Variants in ZFC3H1 observed in about 807,000 individuals in gnomAD.
ZFC3H1 encodes zinc finger C3H1-type containing.
ZFC3H1 carries 71 observed loss-of-function variants against 243.7 expected under a neutral mutation model. The ratio of observed to expected loss-of-function variants is 0.29; its 90% CI spans 0.24 to 0.36. The LOEUF is 0.36. ZFC3H1 is among the 10% of genes least tolerant of loss of function. ZFC3H1 has a pLI of 1.00. For synonymous variants in ZFC3H1, 838 were observed against 813.0 expected (o/e 1.03, Z -0.52); for missense variants, 1,966 against 2,317.1 (o/e 0.85, Z 3.11).
chr12:71,660,599 G>A (rs1014754521), intron 1 of ZFC3H1, among the ~76,000 whole-genome samples: 3 of 151,886 alleles, frequency 2.0e-5, no homozygotes, highest in Admixed American at 2.0e-4. Flanking sequence ...TATGGTAGAG[G>A]CCCAAAATAG....
In ZFC3H1 at chr12:71,636,898, T is replaced by C. The variant is rs745751323; in HGVS notation, c.1887A>G (p.Arg629=). The C allele has an allele frequency of 1.9e-6, 3 of 1,614,068 alleles. No homozygotes were observed. In the South Asian group the frequency reaches 3.3e-5, roughly 18 times the overall value. The change falls in exon 8 of 35, where the codon CGA becomes CGG. Residue 629 remains arginine, a synonymous_variant. Coordinates refer to ENST00000378743, the MANE Select transcript of ZFC3H1 (RefSeq NM_144982.5). ...TTGCTAGAGATTTAAGTAGTTCTTCTCGAAGCAGCATTTCTTCCTCCTCTT... is the reference window on the plus strand; with the variant it reads ...TTGCTAGAGATTTAAGTAGTTCTTCCCGAAGCAGCATTTCTTCCTCCTCTT... ...DEEEEEEMLL[R]EELLKSLANK...
chr12:71,640,045 CAG>C (rs1165384614), intron 6 of ZFC3H1, among the ~76,000 whole-genome samples: 1 of 152,084 alleles, frequency 6.6e-6, no homozygotes, highest in Non-Finnish European at 1.5e-5. Context: ...ATTTTTGAGA[CAG>C]AGTGTCGCTC....
chr12:71,646,010 A>G lies in ZFC3H1; in HGVS notation c.1081-935T>C, dbSNP rs75711587. ...AAAGGAAGAGTCAAAAAAGATTCCA[A>G]AAGATTAAGGCCCACTTATCTAATA... On this transcript the variant is annotated intron_variant, in intron 3 of 34. Coordinates refer to ENST00000378743, the MANE Select transcript of ZFC3H1 (RefSeq NM_144982.5). Among the ~76,000 whole-genome samples the G allele has an allele frequency of 2.7e-3, 415 of 152,320 alleles. 2 individuals carry two copies. The highest frequency in any genetic ancestry group is 9.3e-3 in the African/African-American group (385 of 41,572).
At chr12:71,662,963 A>G in intron 1 of ZFC3H1, 50 bp downstream of exon 1, 1 of 1,514,092 alleles carries the variant, frequency 6.6e-7, no homozygotes, top group Middle Eastern at 1.8e-4. Flanking sequence ...TAATGACGCT[A>G]AAGGGAACTT....
chr12:71,652,329 A>G (rs1046561792), intron 2 of ZFC3H1, among the ~76,000 whole-genome samples: 1 of 152,224 alleles, frequency 6.6e-6, no homozygotes, highest in Non-Finnish European at 1.5e-5. Flanking sequence ...AATATTTAAT[A>G]GCCCACCCAA....
chr12:71,646,785 T>A (rs1880740701), intron 3 of ZFC3H1, among the ~76,000 whole-genome samples: 2 of 152,172 alleles, frequency 1.3e-5, no homozygotes, highest in Non-Finnish European at 2.9e-5. Flanking sequence ...CTACTCTCTT[T>A]GGAATGAAAG....
chr12:71,634,134 T>C (rs2137537148), intron 12 of ZFC3H1, 21 bp downstream of exon 12: 2 of 1,602,980 alleles, frequency 1.2e-6, no homozygotes, highest in Non-Finnish European at 1.7e-6. Context: ...CAATTAGATA[T>C]GTGAAGATAA....
At chr12:71,610,946 G>C in intron 33 of ZFC3H1, 112 bp downstream of exon 33, 4 of 1,505,952 alleles carry the variant, frequency 2.7e-6, no homozygotes, top group Non-Finnish European at 3.6e-6. Context: ...TTGGTTCTTA[G>C]TGTGCATGAA....
chr12:71,646,847 A>G (rs1880742387), intron 3 of ZFC3H1, among the ~76,000 whole-genome samples: 1 of 152,224 alleles, frequency 6.6e-6, no homozygotes, highest in Non-Finnish European at 1.5e-5. Context: ...AGCTACTTGA[A>G]CAGCAAGAGC....
chr12:71,649,477 C>T (rs1297500746), intron 2 of ZFC3H1, among the ~76,000 whole-genome samples: 2 of 152,180 alleles, frequency 1.3e-5, no homozygotes, highest in African/African-American at 4.8e-5. Context: ...ATTTCACATG[C>T]AAAGCTGTGC....
chr12:71,617,905 T>G (rs771931441), intron 27 of ZFC3H1, among the ~76,000 whole-genome samples: 12 of 152,128 alleles, frequency 7.9e-5, no homozygotes, highest in Non-Finnish European at 1.3e-4. Flanking sequence ...AGGACATATA[T>G]AAAGACTCAA....
chr12:71,636,978 G>T lies in ZFC3H1; in HGVS notation c.1807C>A (p.Pro603Thr). ...TGTTCTGGATCTTCAGGTGGGAGAG[G>T]TGGTAATGGTGGTAGAGGAGGTAGA... ...EPLPPLPPLPPLPPEDPEQPP... is the reference protein window; with the variant it reads ...EPLPPLPPLPTLPPEDPEQPP... Residue 603 changes from proline to threonine, a missense_variant, in exon 8 of 35, where the codon CCT (proline) becomes ACT (threonine). Physicochemically the swap from Pro to Thr is conservative, Grantham distance 38 (BLOSUM62 -1). Transcript: ENST00000378743. 6.2e-7 allele frequency: 1 copy of T among 1,613,996 alleles called. No homozygotes were observed. Among genetic ancestry groups the T allele is most frequent in the Non-Finnish European group, 8.5e-7 (1 of 1,179,960 alleles).
chr12:71,656,695 A>G lies in ZFC3H1; in HGVS notation c.1015+190T>C, dbSNP rs539330286. ...TAGAGGCCAGAATGTCAGGCAAAAA[A>G]TAAATAAATAAATAAAGACTAAAAG... On this transcript the variant is annotated intron_variant, in intron 2 of 34. Transcript: ENST00000378743. The G allele has an allele frequency of 8.2e-6, 5 of 612,920 alleles. No individual in the cohort carries two copies. The African/African-American group carries it at 9.3e-5, about 11-fold the overall frequency. 38.0% of individuals were successfully genotyped at this position (612,920 alleles called of 1,614,324 possible). A position where few individuals can be genotyped will look rare whatever the true frequency, so the allele number is the denominator to read the frequency against.
chr12:71,639,497 G>A (rs138029768), intron 6 of ZFC3H1: 31 of 191,596 alleles, frequency 1.6e-4, no homozygotes, highest in Non-Finnish European at 2.9e-4. Context: ...TGGTGCTATT[G>A]TTTTATGGAC....
At position 71,636,366 on chromosome 12, in the gene ZFC3H1, G is replaced by A. The variant is rs1371523985; in HGVS notation, c.2100+124C>T. On this transcript the variant is annotated intron_variant, in intron 9 of 34. Transcript: ENST00000378743. ...AATTAAAAATAAATTTTAAAAATTT[G>A]TATTTATATGTGAATATATGTGTGT... 7.5e-6 allele frequency: 5 copies of A among 662,484 alleles called. No individual in the cohort carries two copies. In the Admixed American group the frequency reaches 2.0e-4, roughly 27 times the overall value. 41.0% of individuals were successfully genotyped at this position (662,484 alleles called of 1,614,324 possible). A position where few individuals can be genotyped will look rare whatever the true frequency, so the allele number is the denominator to read the frequency against.
chr12:71,610,979 T>A, intron 33 of ZFC3H1, 79 bp downstream of exon 33: 1 of 1,558,480 alleles, frequency 6.4e-7, no homozygotes, highest in Non-Finnish European at 8.7e-7. Context: ...GTGCTTTAAT[T>A]CTTTTAAATT....
Position 71,634,790 on chromosome 12 carries a change from T to C in ZFC3H1, c.2274A>G (p.Glu758=). Residue 758 remains glutamate, a synonymous_variant, in exon 11 of 35, where the codon GAA becomes GAG. Coordinates refer to ENST00000378743, the MANE Select transcript of ZFC3H1 (RefSeq NM_144982.5). ...GTGTTCGCAGAGGATCATTTTCTTT[T>C]TCAGATTTTGGAGGTACTTTCGGTT... ...ASKPKVPPKS[E]KENDPLRTPE... 1 of 1,607,688 alleles carries C rather than the reference T, an allele frequency of 6.2e-7. No homozygotes were observed. The highest frequency in any genetic ancestry group is 8.5e-7 in the Non-Finnish European group (1 of 1,178,104).
chr12:71,660,267 A>G (rs1881131482), intron 1 of ZFC3H1: 1 of 152,216 alleles, frequency 6.6e-6, no homozygotes, highest in South Asian at 2.1e-4. Flanking sequence ...GAAGTGTTGT[A>G]ACAAATATTT....
At chr12:71,650,331 T>C (rs561660777) in intron 2 of ZFC3H1, among the ~76,000 whole-genome samples, 4 of 152,288 alleles carry the variant, frequency 2.6e-5, no homozygotes, top group Admixed American at 1.3e-4. Context: ...ACAATAAATA[T>C]AACTTTACAC....
Sources: allele counts gnomAD v4.1 joint callset (sites outside exome capture counted in the v4.1 genomes callset), GRCh38; gene constraint gnomAD v4.1.1; transcripts MANE v1.5; gene names NCBI Gene and HGNC (gene_info 2026-07-23, HGNC 2026-07-21).